The following RANBP17 variants were observed in gnomAD, a reference collection of about 807,000 sequenced individuals.
The protein encoded by RANBP17 is ran-binding protein 17.
RANBP17 carries 158 observed loss-of-function variants against 141.2 expected under a neutral mutation model. The ratio of observed to expected loss-of-function variants is 1.12; its 90% CI spans 0.98 to 1.28. RANBP17 has a LOEUF of 1.28. RANBP17 is among the 50% of genes most tolerant of loss of function. The probability of loss-of-function intolerance (pLI) is 0.00; values close to 1 mark genes in which losing one functional copy is unlikely to be tolerated. For synonymous variants in RANBP17, 430 were observed against 450.0 expected (o/e 0.96, Z 0.56); for missense variants, 1,438 against 1,290.7 (o/e 1.11, Z -1.75).
chr5:170,957,955 A>G (rs185259704), intron 13 of RANBP17, among the ~76,000 whole-genome samples: 42 of 152,352 alleles, frequency 2.8e-4, no homozygotes, highest in Admixed American at 2.2e-3. Flanking sequence ...CCTAGGAGCA[A>G]TGGTTCATTA....
chr5:171,082,178 C>T (rs1299386254), intron 14 of RANBP17, among the ~76,000 whole-genome samples: 1 of 152,106 alleles, frequency 6.6e-6, no homozygotes, highest in Non-Finnish European at 1.5e-5. Context: ...GACTTGCGCT[C>T]ATCTCAAATA....
intron 13 of RANBP17, among the ~76,000 whole-genome samples, chr5:170,962,419 G>C (rs914425341): frequency 6.6e-6 from 1 of 152,088 alleles, no homozygotes; most frequent in Admixed American, 6.6e-5. Flanking sequence ...GCTATAAAAA[G>C]GAAATAAAAG....
chr5:171,147,696 G>A (rs943100315), intron 14 of RANBP17, among the ~76,000 whole-genome samples: 2 of 152,120 alleles, frequency 1.3e-5, no homozygotes, highest in African/African-American at 2.4e-5. Context: ...TTACAGGCAT[G>A]AGCCACCGCA....
intron 14 of RANBP17, among the ~76,000 whole-genome samples, chr5:171,021,455 A>G (rs1780850804): frequency 6.6e-6 from 1 of 152,070 alleles, no homozygotes; most frequent in Non-Finnish European, 1.5e-5. Context: ...TATTTCTTGG[A>G]GGCTTTGTTC....
At chr5:171,059,654 T>C (rs1161693223) in intron 14 of RANBP17, among the ~76,000 whole-genome samples, 2 of 151,554 alleles carry the variant, frequency 1.3e-5, no homozygotes, top group African/African-American at 4.9e-5. Flanking sequence ...CGGGCTCTTT[T>C]TTGGTTCCAT....
chr5:170,878,387 G>C (rs145821967), intron 2 of RANBP17, 144 bp downstream of exon 2: 1 of 632,144 alleles, frequency 1.6e-6, no homozygotes, highest in Admixed American at 4.0e-5. Context: ...CACTGTCAAA[G>C]GGGTTAATCA....
At chr5:171,269,837 A>G (rs1766979300) in intron 25 of RANBP17, among the ~76,000 whole-genome samples, 1 of 152,214 alleles carries the variant, frequency 6.6e-6, no homozygotes, top group African/African-American at 2.4e-5. Flanking sequence ...TATTAAAAGG[A>G]ATGGATTACA....
chr5:170,891,873 A>G (rs1769644065), intron 3 of RANBP17, among the ~76,000 whole-genome samples: 1 of 152,140 alleles, frequency 6.6e-6, no homozygotes, highest in South Asian at 2.1e-4. Context: ...TTCACCTAGC[A>G]TTTTTTGGTA....
chr5:170,919,352 T>A, intron 10 of RANBP17, 89 bp from the exon 11 acceptor site: 1 of 940,662 alleles, frequency 1.1e-6, no homozygotes, highest in South Asian at 2.3e-5. Flanking sequence ...AAAGTTAATT[T>A]AAAAATGTAT....
intron 19 of RANBP17, among the ~76,000 whole-genome samples, chr5:171,202,631 C>T (rs941514612): frequency 6.6e-6 from 1 of 152,154 alleles, no homozygotes; most frequent in African/African-American, 2.4e-5. Context: ...TGCCTTAATT[C>T]TGGAGAGGGA....
intron 22 of RANBP17, among the ~76,000 whole-genome samples, chr5:171,224,437 C>T (rs1001590243): frequency 2.0e-5 from 3 of 152,164 alleles, no homozygotes; most frequent in African/African-American, 4.8e-5. Context: ...AGTGAGCTTC[C>T]TCTTCCAGTG....
chr5:170,902,625 T>C (rs1460031582), intron 5 of RANBP17, among the ~76,000 whole-genome samples: 1 of 152,206 alleles, frequency 6.6e-6, no homozygotes, highest in Non-Finnish European at 1.5e-5. Flanking sequence ...TTTTCAGCCT[T>C]TTTGCACTGG....
intron 14 of RANBP17, among the ~76,000 whole-genome samples, chr5:170,992,376 T>A (rs189751360): frequency 3.0e-4 from 45 of 152,134 alleles, no homozygotes; most frequent in Non-Finnish European, 6.0e-4. Context: ...TATGCCAACA[T>A]CCCTTCATTA....
At chr5:171,149,829 T>G (rs17073373) in intron 14 of RANBP17, among the ~76,000 whole-genome samples, 10,069 of 152,136 alleles carry the variant, frequency 0.066, 448 homozygotes, top group East Asian at 0.12. Context: ...ATTAAAATAG[T>G]GAGAGAAACC....
intron 3 of RANBP17, among the ~76,000 whole-genome samples, chr5:170,883,222 A>G (rs1027376453): frequency 6.6e-6 from 1 of 152,226 alleles, no homozygotes; most frequent in Admixed American, 6.5e-5. Context: ...TGTAAAGCTA[A>G]GTCATAAAAC....
intron 14 of RANBP17, among the ~76,000 whole-genome samples, chr5:171,022,414 G>A (rs538755785): frequency 4.6e-5 from 7 of 152,366 alleles, no homozygotes; most frequent in South Asian, 2.1e-4. Flanking sequence ...CTGCTGGTCC[G>A]CAAAGACTGT....
At chr5:171,283,977 C>T (rs967224900) in intron 25 of RANBP17, among the ~76,000 whole-genome samples, 1 of 152,192 alleles carries the variant, frequency 6.6e-6, no homozygotes, top group South Asian at 2.1e-4. Flanking sequence ...GAGACGCCCT[C>T]GTGCCATTAT....
intron 25 of RANBP17, among the ~76,000 whole-genome samples, chr5:171,285,103 GCT>G (rs1426673098): frequency 6.6e-6 from 1 of 152,204 alleles, no homozygotes; most frequent in Non-Finnish European, 1.5e-5. Context: ...AACATGCCAA[GCT>G]CTGTCTCCAG....
intron 14 of RANBP17, among the ~76,000 whole-genome samples, chr5:171,063,147 T>C (rs1784026275): frequency 6.6e-6 from 1 of 152,246 alleles, no homozygotes; most frequent in Non-Finnish European, 1.5e-5. Flanking sequence ...TCTGAAGCCT[T>C]CTTCTCTCAA....
Sources: gnomAD v4.1 joint callset for allele counts (sites outside exome capture counted in the v4.1 genomes callset) on GRCh38, gnomAD v4.1.1 for gene constraint, MANE v1.5 for transcripts, NCBI Gene and HGNC (gene_info 2026-07-23, HGNC 2026-07-21) for gene names.